ARHGAP45: variants seen among roughly 807,000 people sequenced by gnomAD.
The protein encoded by ARHGAP45 is rho GTPase-activating protein 45.
In ARHGAP45, 56 loss-of-function variants were observed where a neutral mutation model predicts 116.1. The observed-to-expected ratio is 0.48, with a 90% confidence interval of 0.39 to 0.60. The LOEUF (loss-of-function observed/expected upper bound fraction) is 0.60, where lower values mean the gene tolerates loss of function less well. Among genes scored for constraint, ARHGAP45 ranks in the 20% least tolerant of loss-of-function variants. ARHGAP45 has a pLI of 0.00. For missense variants in ARHGAP45, 1,622 were observed against 1,601.0 expected, an observed-to-expected ratio of 1.01 and a Z score of -0.22; for synonymous variants, 866 against 701.7, an observed-to-expected ratio of 1.23 and a Z score of -3.70.
rs1482440148 is a variant in ARHGAP45 at position 1,074,233 on chromosome 19, C to A, written c.920C>A (p.Thr307Lys). The change falls in exon 7 of 23, where the codon ACG (threonine) becomes AAG (lysine). Residue 307 changes from threonine to lysine, a missense_variant. By Grantham distance (78) the Thr-to-Lys change is moderately conservative. Around this residue, in one of 3 missense-constraint regions of ARHGAP45, gnomAD observed 1,334 missense variants for 1,263.8 expected, o/e 1.06. Coordinates refer to ENST00000313093, the MANE Select transcript of ARHGAP45 (RefSeq NM_012292.5). ...KDLISYLEKR[T>K]TLEMEFAKGL... is the part of the protein sequence containing the mutation. ...CTCATCAGCTACCTGGAGAAGCGGA[C>A]GACGCTGGGTGAGAGCTGGTGTCCC... 4 of 1,612,974 alleles carry A rather than the reference C, an allele frequency of 2.5e-6. No individual in the cohort carries two copies. Among genetic ancestry groups the A allele is most frequent in the Non-Finnish European group, 2.5e-6 (3 of 1,179,866 alleles).
At chr19:1,080,648 T>C (rs1254339759) in intron 15 of ARHGAP45, 34 bp from the exon 16 acceptor site, 1 of 1,604,350 alleles carries the variant, frequency 6.2e-7, no homozygotes, top group Non-Finnish European at 8.5e-7. Context: ...CCCCCCTGGC[T>C]GGGGGAGTCT....
Position 1,073,522 on chromosome 19 carries a change from C to T in ARHGAP45, c.582C>T (p.Ser194=). 1 of 1,613,916 alleles carries T rather than the reference C, an allele frequency of 6.2e-7. No homozygotes were observed. Among genetic ancestry groups the T allele is most frequent in the African/African-American group, 1.3e-5 (1 of 75,020 alleles). The change falls in exon 4 of 23, where the codon AGC becomes AGT. Residue 194 remains serine, a synonymous_variant. Transcript: ENST00000313093. ...IAKVKAFHYE[S]NNDLEKQEFE... ...GCTTCCCAGCCTTCCATTATGAGAG[C>T]AACAATGATCTGGAGAAACAGGAGT...
intron 10 of ARHGAP45, among the ~76,000 whole-genome samples, chr19:1,076,098 C>A (rs867868616): frequency 9.2e-5 from 14 of 152,224 alleles, no homozygotes; most frequent in Middle Eastern, 3.4e-3. Flanking sequence ...TTGGGAGTGG[C>A]TGAGCTGTTG....
rs766078875 is a variant in ARHGAP45 at position 1,083,176 on chromosome 19, C to T, written c.2778C>T (p.Thr926=). 5 of 1,610,890 alleles carry T rather than the reference C, an allele frequency of 3.1e-6. No individual in the cohort carries two copies. Among genetic ancestry groups the T allele is most frequent in the Non-Finnish European group, 4.2e-6 (5 of 1,179,532 alleles). ...AGGTGGAGCAGGACAACAAGATGAC[C>T]CCCGGGAACCTGGGCATCGTGTTCG... ...IVEVEQDNKM[T]PGNLGIVFGP... is the part of the protein sequence containing the mutation. The change falls in exon 21 of 23, where the codon ACC becomes ACT. Residue 926 remains threonine (T), a synonymous_variant. Coordinates refer to ENST00000313093, the MANE Select transcript of ARHGAP45 (RefSeq NM_012292.5).
intron 10 of ARHGAP45, chr19:1,077,553 G>A (rs1273578826): frequency 1.1e-5 from 13 of 1,131,438 alleles, no homozygotes; most frequent in Non-Finnish European, 1.4e-5. Context: ...CCGGCTAATT[G>A]TTTTAAATTT....
upstream of ARHGAP45, chr19:1,066,724 AC>A (rs1418726403): frequency 1.3e-5 from 2 of 154,990 alleles, no homozygotes; most frequent in African/African-American, 2.4e-5. Flanking sequence ...CCTGTCCTCG[AC>A]CTGACCCACT....
At chr19:1,084,117 C>G (rs2043526914) in intron 21 of ARHGAP45, 121 bp from the exon 22 acceptor site, 1 of 907,456 alleles carries the variant, frequency 1.1e-6, no homozygotes, top group African/African-American at 1.6e-5. Context: ...TGGCTGAGGA[C>G]AGACCGCCTG....
rs750724810 is a variant in ARHGAP45, at chr19:1,080,706, C to T, written c.1937C>T (p.Thr646Met). The change falls in exon 16 of 23, where the codon ACG (threonine) becomes ATG (methionine). Residue 646 changes from threonine (T) to methionine (M), a missense_variant. Coordinates refer to ENST00000313093, the MANE Select transcript of ARHGAP45 (RefSeq NM_012292.5). ...GGGGACTTTAAGAAGTTCGAGCGGA[C>T]GTCATCCAGTGGTACCATGTCGTCC... ...GAGDFKKFER[T>M]SSSGTMSSTE... The T allele has an allele frequency of 4.3e-6, 7 of 1,613,522 alleles. No individual in the cohort carries two copies. The highest frequency in any genetic ancestry group is 5.9e-6 in the Non-Finnish European group (7 of 1,179,946).
At chr19:1,077,349 C>T in intron 10 of ARHGAP45, 3 of 998,078 alleles carry the variant, frequency 3.0e-6, no homozygotes, top group Non-Finnish European at 3.6e-6. Flanking sequence ...CTCCGAGTGT[C>T]CTGTTACGGG....
chr19:1,082,473 T>C, intron 19 of ARHGAP45: 1 of 338,262 alleles, frequency 3.0e-6, no homozygotes, highest in South Asian at 4.2e-5. Flanking sequence ...GGACTGGGGC[T>C]AGGGGCGTGG....
At chr19:1,073,317 G>C in intron 3 of ARHGAP45, 25 bp downstream of exon 3, 2 of 1,611,068 alleles carry the variant, frequency 1.2e-6, no homozygotes, top group South Asian at 1.1e-5. Context: ...ACAGGGCTGC[G>C]AGGGCTCTCT....
intron 2 of ARHGAP45, among the ~76,000 whole-genome samples, chr19:1,070,058 C>T (rs772916981): frequency 2.0e-5 from 3 of 150,056 alleles, no homozygotes; most frequent in East Asian, 2.0e-4. Context: ...TGCAGTGGCG[C>T]GATCTCGGCT....
chr19:1,075,601 G>C (rs529727272), intron 10 of ARHGAP45, among the ~76,000 whole-genome samples: 9 of 151,590 alleles, frequency 5.9e-5, no homozygotes, highest in Non-Finnish European at 1.3e-4. Flanking sequence ...AAAGACGCCG[G>C]CGCCTTTTTG....
intron 10 of ARHGAP45, chr19:1,077,294 C>T: frequency 1.0e-6 from 1 of 985,220 alleles, no homozygotes; most frequent in Non-Finnish European, 1.2e-6. Flanking sequence ...CTTGGCTGCA[C>T]CTCAGCTTCC....
Position 1,082,869 on chromosome 19 carries a change from C to A in ARHGAP45, c.2547C>A (p.Leu849=). 6.4e-7 allele frequency: 1 copy of A among 1,564,822 alleles called. No homozygotes were observed. The highest frequency in any genetic ancestry group is 8.7e-7 in the Non-Finnish European group (1 of 1,155,446). The part of the protein sequence containing the change: ...QLPEPLISFR[L]YHELVGLAKD... ...CCGAGCCGCTCATCTCCTTCCGCCTCTACCACGAGCTCGTAGGGCTGGCCA... is the reference window on the plus strand; with the variant it reads ...CCGAGCCGCTCATCTCCTTCCGCCTATACCACGAGCTCGTAGGGCTGGCCA... The change falls in exon 20 of 23, where the codon CTC becomes CTA. Residue 849 remains leucine, a synonymous_variant. Coordinates refer to ENST00000313093, the MANE Select transcript of ARHGAP45 (RefSeq NM_012292.5).
Position 1,081,532 on chromosome 19 carries a change from C to A in ARHGAP45, c.2191-18C>A. On this transcript the variant is annotated intron_variant, in intron 17 of 22. Transcript: ENST00000313093. ...TGGGCGCCCCGGGGCTGGGCTCACT[C>A]ACTCTGGCCGCCCCCAGTGCTGCCT... The A allele has an allele frequency of 2.1e-6, 3 of 1,452,108 alleles. No homozygotes were observed. Among genetic ancestry groups the A allele is most frequent in the South Asian group, 1.4e-5 (1 of 68,972 alleles). The allele number at this position is 1,452,108 out of a possible 1,614,324, so 90.0% of individuals were successfully genotyped here.
Position 1,079,790 on chromosome 19 carries a change from C to T in ARHGAP45, c.1462C>T (p.Leu488=), listed in dbSNP as rs1420603892. 3 of 1,611,054 alleles carry T rather than the reference C, an allele frequency of 1.9e-6. No individual in the cohort carries two copies. In the East Asian group the frequency reaches 6.7e-5, roughly 36 times the overall value. ...GCTGGAGGATACCAAGGTGACGGCG[C>T]TGCGGCAGATCCAGGAGGTCATCCG... ...QELEDTKVTA[L]RQIQEVIRQS... is the part of the protein sequence containing the mutation. Residue 488 remains leucine, a synonymous_variant, in exon 12 of 23, where the codon CTG becomes TTG. Coordinates refer to ENST00000313093, the MANE Select transcript of ARHGAP45 (RefSeq NM_012292.5).
At chr19:1,082,284 C>G (rs11879092) in intron 19 of ARHGAP45, among the ~76,000 whole-genome samples, 52,457 of 90,990 alleles carry the variant, frequency 0.58, 12,356 homozygotes, top group Non-Finnish European at 0.64. Flanking sequence ...GGGGGCGGGG[C>G]CGGGGCCGGG....
intron 10 of ARHGAP45, 22 bp downstream of exon 10, chr19:1,074,901 G>T: frequency 1.4e-6 from 2 of 1,462,018 alleles, no homozygotes. Flanking sequence ...GGGCGGGGGC[G>T]GGCGGGGGCG....
Sources: gnomAD v4.1 joint callset for allele counts (sites outside exome capture counted in the v4.1 genomes callset) on GRCh38, gnomAD v4.1.1 for gene constraint, gnomAD v4.1.1 regional missense constraint, MANE v1.5 for transcripts, NCBI Gene and HGNC (gene_info 2026-07-23, HGNC 2026-07-21) for gene names.